SYCP3: variants seen among roughly 807,000 people sequenced by gnomAD.
SYCP3 encodes the protein synaptonemal complex protein 3.
In SYCP3, 29 loss-of-function variants were observed where a neutral mutation model predicts 38.5. The observed-to-expected ratio is 0.75, with a 90% CI of 0.56 to 1.03. SYCP3 has a LOEUF of 1.03. SYCP3 is among the 50% of genes least tolerant of loss of function. The probability of loss-of-function intolerance (pLI) is 0.00; values close to 1 mark genes in which losing one functional copy is unlikely to be tolerated. For missense variants in SYCP3, 242 were observed against 270.7 expected (o/e 0.89, Z 0.74); for synonymous variants, 79 against 80.3 (o/e 0.98, Z 0.08).
chr12:101,735,871 A>ATATATATATATATTTTTTTTTTTTT, intron 4 of SYCP3, among the ~76,000 whole-genome samples: 146 of 74,664 alleles, frequency 2.0e-3, no homozygotes, highest in East Asian at 4.2e-3. Context: ...ATATATATAT[A>ATATATATATATATTTTTTTTTTTTT]TTTTTTTTTT....
At position 101,728,709 on chromosome 12, in the gene SYCP3, A is replaced by G. The variant is rs1437203861; in HGVS notation, c.*218T>C. On this transcript the variant is annotated 3_prime_UTR_variant, in exon 9 of 9. Coordinates refer to ENST00000392924, the MANE Select transcript of SYCP3 (RefSeq NM_001177949.2). ...GAGAGAAAAATTCACTATCATTACT[A>G]AAGAGCTGAAAGCTTAATACATATT... 2 of 593,170 alleles carry G rather than the reference A, an allele frequency of 3.4e-6. No homozygotes were observed. The highest frequency in any genetic ancestry group is 5.7e-6 in the Non-Finnish European group (2 of 351,132). 36.7% of individuals were successfully genotyped at this position (593,170 alleles called of 1,614,324 possible). A position where few individuals can be genotyped will look rare whatever the true frequency, so the allele number is the denominator to read the frequency against.
intron 4 of SYCP3, among the ~76,000 whole-genome samples, chr12:101,735,824 A>C (rs1262874281): frequency 2.1e-5 from 3 of 141,412 alleles, no homozygotes; most frequent in Non-Finnish European, 3.0e-5. Context: ...TAGTTAAAGA[A>C]GAAAACTATT....
chr12:101,735,999 C>T (rs1566055981), intron 4 of SYCP3, among the ~76,000 whole-genome samples: 1 of 147,478 alleles, frequency 6.8e-6, no homozygotes, highest in Non-Finnish European at 1.5e-5. Context: ...GCCCCTGTGC[C>T]TGGCCATCAA....
chr12:101,729,331 G>A, intron 7 of SYCP3, 118 bp from the exon 8 acceptor site: 2 of 1,018,284 alleles, frequency 2.0e-6, no homozygotes, highest in Non-Finnish European at 2.9e-6. Context: ...TCATCTATTT[G>A]AAATAAAAAT....
intron 7 of SYCP3, among the ~76,000 whole-genome samples, chr12:101,730,176 T>C (rs1670303953): frequency 6.6e-6 from 1 of 152,102 alleles, no homozygotes; most frequent in Admixed American, 6.6e-5. Context: ...AGAATTTTAA[T>C]GGTACAAGCA....
intron 5 of SYCP3, 125 bp from the exon 6 acceptor site, chr12:101,733,799 A>G (rs1952282422): frequency 1.2e-6 from 1 of 805,180 alleles, no homozygotes; most frequent in African/African-American, 1.7e-5. Context: ...AAGTCTTCTG[A>G]TGGGAAACCA....
intron 7 of SYCP3, 50 bp downstream of exon 7, chr12:101,731,511 CTTCCATA>C (rs1952188699): frequency 8.4e-7 from 1 of 1,191,188 alleles, no homozygotes; most frequent in African/African-American, 1.6e-5. Context: ...TTATCTTCTA[CTTCCATA>C]AATATATTAT....
intron 6 of SYCP3, 187 bp downstream of exon 6, chr12:101,733,387 CA>C: frequency 1.8e-6 from 1 of 543,294 alleles, no homozygotes; most frequent in South Asian, 2.4e-5. Context: ...GAACCCCAAA[CA>C]ATATAAATGC....
intron 5 of SYCP3, among the ~76,000 whole-genome samples, chr12:101,734,144 C>T (rs1319488803): frequency 6.6e-6 from 1 of 152,118 alleles, no homozygotes; most frequent in Non-Finnish European, 1.5e-5. Context: ...CTAAAACATA[C>T]AAATTATATA....
At chr12:101,733,466 C>T in intron 6 of SYCP3, 109 bp downstream of exon 6, 1 of 956,574 alleles carries the variant, frequency 1.0e-6, no homozygotes, top group South Asian at 1.3e-5. Context: ...AACACATGGC[C>T]AGCAATGGTT....
Position 101,729,090 on chromosome 12 carries a change from T to C in SYCP3, c.657+19A>G, listed in dbSNP as rs201958258. 2.2e-5 allele frequency: 36 copies of C among 1,608,644 alleles called. No individual in the cohort carries two copies. In the African/African-American group the frequency reaches 4.5e-4, roughly 20 times the overall value. On this transcript the variant is annotated intron_variant, in intron 8 of 8. Transcript: ENST00000392924. ...CTTATATTAATCCTTATTTTTTCAATTTCAATATGATCACTTACAGTTTCC... is the reference window on the plus strand; with the variant it reads ...CTTATATTAATCCTTATTTTTTCAACTTCAATATGATCACTTACAGTTTCC...
intron 1 of SYCP3, 56 bp from the exon 2 acceptor site, chr12:101,738,008 C>G: frequency 1.3e-6 from 2 of 1,582,190 alleles, no homozygotes; most frequent in South Asian, 1.1e-5. Context: ...TTTTAATACA[C>G]TGGTAAAAGT....
At chr12:101,737,457 G>A (rs1952498546) in intron 2 of SYCP3, 159 bp from the exon 3 acceptor site, 1 of 746,268 alleles carries the variant, frequency 1.3e-6, no homozygotes, top group South Asian at 1.7e-5. Flanking sequence ...TGCAGGTTAG[G>A]TGAAATTAAA....
chr12:101,735,495 T>C (rs1952367858), intron 4 of SYCP3, among the ~76,000 whole-genome samples: 1 of 151,984 alleles, frequency 6.6e-6, no homozygotes, highest in African/African-American at 2.4e-5. Context: ...AGCCTGTCTC[T>C]ACTAAAAATA....
rs371009547 is a variant in SYCP3 at position 101,737,069 on chromosome 12, C to A, written c.203G>T (p.Gly68Val). The change falls in exon 4 of 9, where the codon GGT (glycine) becomes GTT (valine). Residue 68 changes from glycine to valine, a missense_variant and splice_region_variant. Transcript: ENST00000392924. Reference sequence around the variant, plus strand: ...TCCTTCCAGCATATTCTGCACTTCACCCCTGGAAAGAAATTACATTTTAAA... The same window carrying A: ...TCCTTCCAGCATATTCTGCACTTCAACCCTGGAAAGAAATTACATTTTAAA... ...SSAGVVEDMG[G>V]EVQNMLEGVG... 2.5e-6 allele frequency: 4 copies of A among 1,613,846 alleles called. No individual in the cohort carries two copies. In the Admixed American group the frequency reaches 6.7e-5, roughly 27 times the overall value.
rs997454611 is a variant in SYCP3 at position 101,737,894 on chromosome 12, C to G, written c.42G>C (p.Lys14Asn). ...TCGTAAACTGATCTTCCACAGACGGCTTCCCAGATTTCCTGGAATACTTTT... is the reference window on the plus strand; with the variant it reads ...TCGTAAACTGATCTTCCACAGACGGGTTCCCAGATTTCCTGGAATACTTTT... ...SGKKYSRKSG[K>N]PSVEDQFTRA... The change falls in exon 2 of 9, where the codon AAG becomes AAC. Residue 14 changes from lysine (K) to asparagine (N), a missense_variant. Coordinates refer to ENST00000392924, the MANE Select transcript of SYCP3 (RefSeq NM_001177949.2). 3.1e-6 allele frequency: 5 copies of G among 1,614,070 alleles called. No individual in the cohort carries two copies. In the African/African-American group the frequency reaches 5.3e-5, roughly 17 times the overall value.
Position 101,734,933 on chromosome 12 carries a change from T to C in SYCP3, c.347A>G (p.Asp116Gly). The change falls in exon 5 of 9, where the codon GAT becomes GGT. Residue 116 changes from aspartate (D) to glycine (G), a missense_variant. Coordinates refer to ENST00000392924, the MANE Select transcript of SYCP3 (RefSeq NM_001177949.2). ...KIEHVWKTQQ[D>G]QRQKLNQEYS... Reference sequence around the variant, plus strand: ...AAAAAAGCAACCACCTTACCTTTGATCTTGTTGTGTTTTCCAAACATGTTC... The same window carrying C: ...AAAAAAGCAACCACCTTACCTTTGACCTTGTTGTGTTTTCCAAACATGTTC... 1 of 1,605,948 alleles carries C rather than the reference T, an allele frequency of 6.2e-7. No individual in the cohort carries two copies. The highest frequency in any genetic ancestry group is 2.2e-5 in the East Asian group (1 of 44,756).
At chr12:101,733,227 C>A in intron 6 of SYCP3, 1 of 270,408 alleles carries the variant, frequency 3.7e-6, no homozygotes, top group South Asian at 4.8e-5. Flanking sequence ...TTACTAAGTA[C>A]TGATGACAGA....
intron 1 of SYCP3, 136 bp downstream of exon 1, chr12:101,739,215 C>A: frequency 1.0e-6 from 1 of 981,162 alleles, no homozygotes; most frequent in South Asian, 4.7e-5. Flanking sequence ...TGCTCAAGGC[C>A]CTGTCCTCAG....
Sources: allele counts gnomAD v4.1 joint callset (sites outside exome capture counted in the v4.1 genomes callset), GRCh38; gene constraint gnomAD v4.1.1; transcripts MANE v1.5; gene names NCBI Gene and HGNC (gene_info 2026-07-23, HGNC 2026-07-21).